GBP2: variants seen among roughly 807,000 people sequenced by gnomAD.
GBP2 encodes guanylate binding protein 2, also known as guanylate-binding protein 2.
GBP2 carries 54 observed loss-of-function variants against 60.8 expected under a neutral mutation model. The observed-to-expected ratio is 0.89, with a 90% CI of 0.71 to 1.11. The LOEUF is 1.11. Ranked by LOEUF, GBP2 falls within the 50% of genes most tolerant of loss-of-function variation. The pLI is 0.00. For missense variants in GBP2, 665 were observed against 703.3 expected, an observed-to-expected ratio of 0.95 and a Z score of 0.62; for synonymous variants, 243 against 256.5, an observed-to-expected ratio of 0.95 and a Z score of 0.50.
Position 89,116,991 on chromosome 1 carries a change from C to A in GBP2, c.868+1G>T, listed in dbSNP as rs185011739. 1.2e-6 allele frequency: 2 copies of A among 1,613,784 alleles called. No individual in the cohort carries two copies. Among genetic ancestry groups the A allele is most frequent in the East Asian group, 2.2e-5 (1 of 44,868 alleles). On this transcript the variant is annotated splice_donor_variant, in intron 6 of 10. Transcript: ENST00000370466. LOFTEE classifies it high-confidence loss of function. ...GGAAGTGGGTAGAGAGAGTGACTCA[C>A]GAGGCCCATTGACTGGAATGCCACC...
Position 89,117,783 on chromosome 1 carries a change from T to C in GBP2, c.429-10A>G, listed in dbSNP as rs1324930064. 1.9e-6 allele frequency: 3 copies of C among 1,583,346 alleles called. No individual in the cohort carries two copies. Among genetic ancestry groups the C allele is most frequent in the African/African-American group, 1.4e-5 (1 of 73,018 alleles). ...CAGCTCTGTCACATAGCTGAGATGCTAAATTAAGAAAACTACAGAAAATGC... is the reference window on the plus strand; with the variant it reads ...CAGCTCTGTCACATAGCTGAGATGCCAAATTAAGAAAACTACAGAAAATGC... On this transcript the variant is annotated splice_polypyrimidine_tract_variant and intron_variant, in intron 4 of 10. Coordinates refer to ENST00000370466, the MANE Select transcript of GBP2 (RefSeq NM_004120.5).
chr1:89,124,760 C>T lies in GBP2; in HGVS notation c.-18+1103G>A, dbSNP rs368808120. On this transcript the variant is annotated intron_variant, in intron 1 of 10. Coordinates refer to ENST00000370466, the MANE Select transcript of GBP2 (RefSeq NM_004120.5). ...AATCAGCATTCACCTGTTATTCACTCAAGCTTGGTATCTCAAATCTGACAT... is the reference window on the plus strand; with the variant it reads ...AATCAGCATTCACCTGTTATTCACTTAAGCTTGGTATCTCAAATCTGACAT... Among the ~76,000 whole-genome samples the T allele has an allele frequency of 3.7e-4, 56 of 152,330 alleles. 6 individuals carry two copies. Among genetic ancestry groups the T allele is most frequent in the Admixed American group, 9.1e-4 (14 of 15,304 alleles).
At chr1:89,122,055 G>A (rs1681412940) in intron 1 of GBP2, 72 bp from the exon 2 acceptor site, 1 of 1,139,098 alleles carries the variant, frequency 8.8e-7, no homozygotes, top group Admixed American at 2.8e-5. Context: ...TTTACAATAT[G>A]GGTTAAATTT....
Position 89,106,960 on chromosome 1 carries a change from T to G in GBP2, c.*1215A>C, listed in dbSNP as rs913603345. ...CTGGTTCATGGTAGCTGTGTTGTTT[T>G]CCCGTGAGATGCCTTTACAATGGTA... is the stretch of plus-strand genomic sequence containing the variant. On this transcript the variant is annotated 3_prime_UTR_variant, in exon 11 of 11. Transcript: ENST00000370466. The G allele has an allele frequency of 1.3e-5, 2 of 152,196 alleles. No homozygotes were observed. Among genetic ancestry groups the G allele is most frequent in the African/African-American group, 4.8e-5 (2 of 41,434 alleles). The allele number at this position is 152,196 out of a possible 1,614,324, so 9.4% of individuals were successfully genotyped here. A position where few individuals can be genotyped will look rare whatever the true frequency, so the allele number is the denominator to read the frequency against.
intron 1 of GBP2, among the ~76,000 whole-genome samples, chr1:89,123,148 C>G (rs1005449741): frequency 1.3e-5 from 2 of 152,188 alleles, no homozygotes; most frequent in African/African-American, 4.8e-5. Context: ...TCTGACATTA[C>G]AATATATGCC....
chr1:89,110,072 T>C, intron 9 of GBP2, 92 bp downstream of exon 9: 1 of 1,008,850 alleles, frequency 9.9e-7, no homozygotes, highest in Non-Finnish European at 1.5e-6. Flanking sequence ...TTGCCATTCT[T>C]TCTCTACAAT....
In GBP2 at chr1:89,112,414, G is replaced by T. The variant is rs12068052; in HGVS notation, c.1362+58C>A. ...AGTGCCATTTACCTTCTTCCCAGTG[G>T]GCTTTAAAAGCATCCCCTCAGCGAG... On this transcript the variant is annotated intron_variant, in intron 8 of 10. Transcript: ENST00000370466. 16,651 of 1,434,222 alleles carry T rather than the reference G, an allele frequency of 0.012. 1,493 individuals are homozygous for T. In the African/African-American group the frequency reaches 0.2, roughly 17 times the overall value. 88.8% of individuals were successfully genotyped at this position (1,434,222 alleles called of 1,614,324 possible). A position where few individuals can be genotyped will look rare whatever the true frequency, so the allele number is the denominator to read the frequency against.
chr1:89,110,373 A>G, intron 8 of GBP2, 107 bp from the exon 9 acceptor site: 1 of 823,378 alleles, frequency 1.2e-6, no homozygotes, highest in Non-Finnish European at 2.0e-6. Flanking sequence ...TTACACAAAA[A>G]AGATACTTGC....
intron 3 of GBP2, among the ~76,000 whole-genome samples, 195 bp downstream of exon 3, chr1:89,120,947 AT>A (rs1681382997): frequency 6.6e-6 from 1 of 152,172 alleles, no homozygotes; most frequent in South Asian, 2.1e-4. Context: ...TTTACCCATA[AT>A]TAATCAATTG....
chr1:89,111,282 C>G (rs1281926918), intron 8 of GBP2, among the ~76,000 whole-genome samples: 3 of 152,040 alleles, frequency 2.0e-5, no homozygotes, highest in Non-Finnish European at 4.4e-5. Flanking sequence ...TGTTATTTGC[C>G]ATACTATTGG....
chr1:89,116,312 C>T (rs1373388589), intron 6 of GBP2, among the ~76,000 whole-genome samples: 1 of 152,144 alleles, frequency 6.6e-6, no homozygotes, highest in African/African-American at 2.4e-5. Context: ...CCGTGCCCAG[C>T]CAACTCAATC....
chr1:89,112,304 G>A (rs982270855), intron 8 of GBP2, among the ~76,000 whole-genome samples, 168 bp downstream of exon 8: 8 of 152,178 alleles, frequency 5.3e-5, no homozygotes, highest in African/African-American at 1.9e-4. Flanking sequence ...TGCTTCTGAG[G>A]AGGAATTCCT....
In GBP2 at chr1:89,120,057, G is replaced by T. The variant is rs891042482; in HGVS notation, c.428+122C>A. On this transcript the variant is annotated intron_variant, in intron 4 of 10. Transcript: ENST00000370466. ...TAGAATGAGATGTTCAGCATAATGA[G>T]ATTTATTAAAGAGAGGACTTATGAA... The T allele has an allele frequency of 1.3e-5, 9 of 672,546 alleles. No homozygotes were observed. In the African/African-American group the frequency reaches 1.5e-4, roughly 11 times the overall value. 41.7% of individuals were successfully genotyped at this position (672,546 alleles called of 1,614,324 possible). A position where few individuals can be genotyped will look rare whatever the true frequency, so the allele number is the denominator to read the frequency against.
At chr1:89,113,102 G>A in intron 7 of GBP2, 1 of 205,206 alleles carries the variant, frequency 4.9e-6, no homozygotes. Flanking sequence ...TGTCTGTGCA[G>A]CAGAGGAACA....
Position 89,117,039 on chromosome 1 carries a change from T to C in GBP2, c.821A>G (p.His274Arg), listed in dbSNP as rs1402360526. Residue 274 changes from histidine (H) to arginine (R), a missense_variant, in exon 6 of 11, where the codon CAT becomes CGT. Physicochemically the swap from His to Arg is conservative, Grantham distance 29. Transcript: ENST00000370466. The part of the protein sequence containing the change: ...VAEFCSYILS[H>R]SNVKTLSGGI... ...ACCTGAAAGAGTCTTGACATTGGAA[T>C]GGCTGAGGATGTAGGAACAAAATTC... 21 of 1,613,958 alleles carry C rather than the reference T, an allele frequency of 1.3e-5. No homozygotes were observed. Among genetic ancestry groups the C allele is most frequent in the Non-Finnish European group, 1.7e-5 (20 of 1,179,960 alleles).
chr1:89,113,989 T>G (rs759661313), intron 7 of GBP2, 27 bp downstream of exon 7: 90 of 1,609,882 alleles, frequency 5.6e-5, no homozygotes, highest in Non-Finnish European at 7.4e-5. Flanking sequence ...TTTTTCTGCC[T>G]CTCATGACGT....
intron 1 of GBP2, among the ~76,000 whole-genome samples, chr1:89,122,312 A>C (rs1401735345): frequency 1.3e-5 from 2 of 152,308 alleles, no homozygotes; most frequent in East Asian, 3.9e-4. Flanking sequence ...TACACTCCTT[A>C]TTCACATTTC....
In GBP2 at chr1:89,108,264, A is replaced by T. The variant is rs143504526; in HGVS notation, c.1687T>A (p.Phe563Ile). Reference protein sequence around the residue: ...QEQERLLKEGFENESKRLQKD... With the variant: ...QEQERLLKEGIENESKRLQKD... ...TGAAGTCTCTTGCTCTCATTCTCGAATCCCTCCTTGAGAAGGCGTTCCTGT... is the reference window on the plus strand; with the variant it reads ...TGAAGTCTCTTGCTCTCATTCTCGATTCCCTCCTTGAGAAGGCGTTCCTGT... Residue 563 changes from phenylalanine (F) to isoleucine (I), a missense_variant, in exon 11 of 11, where the codon TTC becomes ATC. By Grantham distance (21) the Phe-to-Ile change is conservative. Coordinates refer to ENST00000370466, the MANE Select transcript of GBP2 (RefSeq NM_004120.5). The T allele has an allele frequency of 1.4e-4, 224 of 1,612,752 alleles. No individual in the cohort carries two copies. In the African/African-American group the frequency reaches 2.7e-3, roughly 19 times the overall value.
intron 1 of GBP2, among the ~76,000 whole-genome samples, chr1:89,124,803 T>G (rs990711209): frequency 2.6e-5 from 4 of 152,244 alleles, no homozygotes; most frequent in African/African-American, 4.8e-5. Flanking sequence ...ATCTGCTGAT[T>G]TTTTACTCAA....
Sources: gnomAD v4.1 joint callset for allele counts (sites outside exome capture counted in the v4.1 genomes callset) on GRCh38, gnomAD v4.1.1 for gene constraint, MANE v1.5 for transcripts, NCBI Gene and HGNC (gene_info 2026-07-23, HGNC 2026-07-21) for gene names.